Variants in EXT2 observed in about 807,000 individuals in gnomAD.
EXT2 encodes the protein exostosin glycosyltransferase 2.
In EXT2, 53 loss-of-function variants were observed where a neutral mutation model predicts 81.6. The ratio of observed to expected loss-of-function variants is 0.65; its 90% CI spans 0.52 to 0.82. The LOEUF is 0.82. Among genes scored for constraint, EXT2 ranks in the 40% least tolerant of loss-of-function variants. The probability of loss-of-function intolerance (pLI) is 0.00; values close to 1 mark genes in which losing one functional copy is unlikely to be tolerated. For missense variants in EXT2, 774 were observed against 910.2 expected (o/e 0.85, Z 1.93); for synonymous variants, 320 against 340.0 (o/e 0.94, Z 0.65).
intron 10 of EXT2, among the ~76,000 whole-genome samples, chr11:44,217,834 G>C (rs192134607): frequency 7.9e-5 from 12 of 152,268 alleles, no homozygotes; most frequent in Non-Finnish European, 1.8e-4. Context: ...CTGAATGTAT[G>C]AATCTGTGAA....
rs933656246 is a variant in EXT2, at chr11:44,249,400, A to T, written c.*5113A>T. Among the ~76,000 whole-genome samples, 3 of 152,198 alleles carry T rather than the reference A, an allele frequency of 2.0e-5. No homozygotes were observed. The highest frequency in any genetic ancestry group is 6.5e-5 in the Admixed American group (1 of 15,274). On this transcript the variant is annotated 3_prime_UTR_variant, in exon 14 of 14. Coordinates refer to ENST00000533608, the MANE Select transcript of EXT2 (RefSeq NM_207122.2). The stretch of plus-strand genomic sequence containing the variant: ...GGCACAGAACTATCAGACAGAAGAC[A>T]AGGTAGTTCTCAAGAAGTACCAGGC...
intron 7 of EXT2, among the ~76,000 whole-genome samples, chr11:44,164,776 G>T (rs1165098237): frequency 3.9e-5 from 6 of 151,998 alleles, no homozygotes; most frequent in Admixed American, 3.9e-4. Flanking sequence ...TTATATTGGT[G>T]TGACCTATTC....
At chr11:44,144,455 A>C (rs945110569) in intron 7 of EXT2, 33 of 869,400 alleles carry the variant, frequency 3.8e-5, no homozygotes, top group East Asian at 2.3e-4. Flanking sequence ...GTAACCTTTC[A>C]CCCCAATGGC....
intron 10 of EXT2, among the ~76,000 whole-genome samples, chr11:44,227,469 T>C (rs138806035): frequency 2.0e-5 from 3 of 152,312 alleles, no homozygotes; most frequent in African/African-American, 4.8e-5. Context: ...ATTTTATAGA[T>C]GGCAAAATGG....
At chr11:44,170,802 G>A (rs1257264194) in intron 7 of EXT2, among the ~76,000 whole-genome samples, 2 of 132,430 alleles carry the variant, frequency 1.5e-5, no homozygotes, top group African/African-American at 2.9e-5. Context: ...AATTTAAAAC[G>A]TTCACATTCA....
At chr11:44,163,539 A>G (rs1954954470) in intron 7 of EXT2, among the ~76,000 whole-genome samples, 1 of 152,240 alleles carries the variant, frequency 6.6e-6, no homozygotes, top group African/African-American at 2.4e-5. Context: ...AACAAATGAA[A>G]AGGAATAATT....
chr11:44,128,945 A>G (rs1422916650), intron 6 of EXT2, among the ~76,000 whole-genome samples: 1 of 152,218 alleles, frequency 6.6e-6, no homozygotes, highest in Non-Finnish European at 1.5e-5. Context: ...TTTCCGTCCT[A>G]ATGGACTAGC....
At chr11:44,101,293 G>A (rs1953978477) in intron 1 of EXT2, among the ~76,000 whole-genome samples, 1 of 152,192 alleles carries the variant, frequency 6.6e-6, no homozygotes, top group Admixed American at 6.5e-5. Flanking sequence ...TTGAAGCTTG[G>A]ACACAACGAC....
intron 10 of EXT2, among the ~76,000 whole-genome samples, chr11:44,221,956 A>T (rs1955786429): frequency 6.6e-6 from 1 of 152,342 alleles, no homozygotes; most frequent in Non-Finnish European, 1.5e-5. Context: ...CAGACCTTGG[A>T]AATGTCACAA....
chr11:44,153,528 A>C (rs1027948020), intron 7 of EXT2, among the ~76,000 whole-genome samples: 2 of 151,172 alleles, frequency 1.3e-5, no homozygotes, highest in African/African-American at 4.9e-5. Context: ...GACTTACTGC[A>C]TTGGCTAGGA....
At chr11:44,181,689 A>G (rs1955238255) in intron 8 of EXT2, among the ~76,000 whole-genome samples, 1 of 151,996 alleles carries the variant, frequency 6.6e-6, no homozygotes, top group Admixed American at 6.5e-5. Flanking sequence ...ATTTTGTTTT[A>G]AAGTTGGAGT....
intron 10 of EXT2, among the ~76,000 whole-genome samples, chr11:44,214,486 C>T (rs1552929): frequency 0.91 from 139,194 of 152,210 alleles, 63,741 homozygotes; most frequent in East Asian, 0.99. Flanking sequence ...TACTACAGAC[C>T]CAATTTCTTT....
intron 7 of EXT2, among the ~76,000 whole-genome samples, chr11:44,156,814 GTATT>G (rs1405424477): frequency 2.0e-5 from 3 of 152,144 alleles, no homozygotes; most frequent in Admixed American, 1.3e-4. Context: ...GAAGAGTTAG[GTATT>G]TATTGTAGTC....
Position 44,120,176 on chromosome 11 carries a change from T to C in EXT2, c.744-4613T>C, listed in dbSNP as rs1954296030. On this transcript the variant is annotated intron_variant, in intron 4 of 13. Transcript: ENST00000533608. ...TATAATTAGTTTCAGAGATTATATA[T>C]TGGTGGTATTTTCCTAGTAATTTAG... 2.0e-5 allele frequency among the ~76,000 whole-genome samples: 3 copies of C among 152,376 alleles called. No homozygotes were observed. In the South Asian group the frequency reaches 6.2e-4, roughly 32 times the overall value.
chr11:44,104,380 A>G (rs578007327), intron 1 of EXT2, among the ~76,000 whole-genome samples: 1 of 152,070 alleles, frequency 6.6e-6, no homozygotes, highest in East Asian at 1.9e-4. Flanking sequence ...ATTGGGTCAC[A>G]ATATAACATA....
Position 44,107,854 on chromosome 11 carries a change from C to T in EXT2, c.142C>T (p.His48Tyr), listed in dbSNP as rs1304596030. 4 of 1,614,176 alleles carry T rather than the reference C, an allele frequency of 2.5e-6. No homozygotes were observed. Among genetic ancestry groups the T allele is most frequent in the South Asian group, 2.2e-5 (2 of 91,076 alleles). ...CACTGGCATGTTTCAGTTTTGGCCC[C>T]ATTCTATCGAGTCCTCAAATGACTG... ...IATGMFQFWPHSIESSNDWNV... is the reference protein window; with the variant it reads ...IATGMFQFWPYSIESSNDWNV... The change falls in exon 2 of 14, where the codon CAT becomes TAT. Residue 48 changes from histidine to tyrosine, a missense_variant. Around this residue, in one of 2 missense-constraint regions of EXT2, gnomAD observed 626 missense variants for 670.5 expected, o/e 0.93. Coordinates refer to ENST00000533608, the MANE Select transcript of EXT2 (RefSeq NM_207122.2).
intron 8 of EXT2, among the ~76,000 whole-genome samples, chr11:44,180,869 A>G (rs1955225235): frequency 6.6e-6 from 1 of 152,158 alleles, no homozygotes; most frequent in Non-Finnish European, 1.5e-5. Context: ...TGGGAGGCCG[A>G]GGCGGGCGGA....
intron 4 of EXT2, among the ~76,000 whole-genome samples, chr11:44,118,547 T>C (rs1416811066): frequency 1.3e-5 from 2 of 152,208 alleles, no homozygotes; most frequent in African/African-American, 4.8e-5. Context: ...ATTAGTCCAC[T>C]AAATAGAAAC....
Position 44,250,715 on chromosome 11 carries a change from C to T in EXT2, c.*6428C>T, listed in dbSNP as rs1406262602. ...GAGTCCAGAGAGCGTCCATCCGGTGCCTGGTGAGGGCCCTGCATGGCTGGC... is the reference window on the plus strand; with the variant it reads ...GAGTCCAGAGAGCGTCCATCCGGTGTCTGGTGAGGGCCCTGCATGGCTGGC... On this transcript the variant is annotated 3_prime_UTR_variant, in exon 14 of 14. Transcript: ENST00000533608. 1.3e-5 allele frequency among the ~76,000 whole-genome samples: 2 copies of T among 152,154 alleles called. No homozygotes were observed. The highest frequency in any genetic ancestry group is 6.5e-5 in the Admixed American group (1 of 15,276).
Sources: gnomAD v4.1 joint callset for allele counts (sites outside exome capture counted in the v4.1 genomes callset) on GRCh38, gnomAD v4.1.1 for gene constraint, gnomAD v4.1.1 regional missense constraint, MANE v1.5 for transcripts, NCBI Gene and HGNC (gene_info 2026-07-23, HGNC 2026-07-21) for gene names.